The following TRABD2B variants were observed in gnomAD, a reference collection of about 807,000 sequenced individuals.
TRABD2B encodes the protein metalloprotease TIKI2.
A neutral mutation model predicts 40.1 loss-of-function variants in TRABD2B; 14 were observed. The observed-to-expected ratio is 0.35, with a 90% CI of 0.23 to 0.55. The LOEUF is 0.55. TRABD2B is among the 20% of genes least tolerant of loss of function. The pLI is 0.90. For synonymous variants in TRABD2B, 263 were observed against 277.0 expected, an observed-to-expected ratio of 0.95 and a Z score of 0.50; for missense variants, 541 against 648.6, an observed-to-expected ratio of 0.83 and a Z score of 1.80.
intron 2 of TRABD2B, among the ~76,000 whole-genome samples, chr1:47,966,140 CAG>C (rs1645599408): frequency 2.0e-5 from 3 of 152,294 alleles, no homozygotes; most frequent in Middle Eastern, 3.4e-3. Context: ...CAGGCATAGA[CAG>C]CAGGGAGGTG....
At chr1:47,840,575 G>T (rs77881918) in intron 2 of TRABD2B, among the ~76,000 whole-genome samples, 9 of 151,336 alleles carry the variant, frequency 5.9e-5, no homozygotes, top group Admixed American at 5.9e-4. Context: ...TTAATGACAG[G>T]CCTGTCTTCA....
chr1:47,921,444 A>C (rs575940455), intron 2 of TRABD2B, among the ~76,000 whole-genome samples: 2 of 152,306 alleles, frequency 1.3e-5, no homozygotes, highest in East Asian at 3.9e-4. Context: ...AAGGGTCTCC[A>C]GACTGTGACA....
At chr1:47,939,140 C>T (rs574479221) in intron 2 of TRABD2B, among the ~76,000 whole-genome samples, 7 of 151,988 alleles carry the variant, frequency 4.6e-5, no homozygotes, top group African/African-American at 1.7e-4. Context: ...CCAACCCCCC[C>T]ACCCCCAGGA....
intron 2 of TRABD2B, among the ~76,000 whole-genome samples, chr1:47,959,917 G>T (rs1438417685): frequency 6.6e-6 from 1 of 152,046 alleles, no homozygotes; most frequent in Non-Finnish European, 1.5e-5. Flanking sequence ...CAAAAAAAGA[G>T]AATTTTAGAC....
intron 2 of TRABD2B, among the ~76,000 whole-genome samples, chr1:47,817,387 G>A (rs1476399398): frequency 1.3e-5 from 2 of 152,010 alleles, no homozygotes; most frequent in African/African-American, 4.8e-5. Context: ...CGGGATTGGG[G>A]GCCCTGAAAC....
intron 2 of TRABD2B, among the ~76,000 whole-genome samples, chr1:47,848,114 A>G (rs1645497266): frequency 6.6e-6 from 1 of 152,236 alleles, no homozygotes; most frequent in Non-Finnish European, 1.5e-5. Context: ...CAAGGACCCC[A>G]GCCCCTAGAC....
chr1:47,975,015 A>C (rs1365799378), intron 2 of TRABD2B, among the ~76,000 whole-genome samples: 1 of 152,218 alleles, frequency 6.6e-6, no homozygotes, highest in Admixed American at 6.5e-5. Flanking sequence ...GAAAACAAGG[A>C]AAGTCTGAGA....
intron 2 of TRABD2B, among the ~76,000 whole-genome samples, chr1:47,822,029 GCACACACTCT>G: frequency 6.6e-6 from 1 of 152,196 alleles, no homozygotes; most frequent in Non-Finnish European, 1.5e-5. Context: ...ACACGTGCAT[GCACACACTCT>G]CAGTCATATT....
rs577945448 is a variant in TRABD2B at position 47,841,530 on chromosome 1, C to G, written c.667-39911G>C. On this transcript the variant is annotated intron_variant, in intron 2 of 6. Coordinates refer to ENST00000606738, the MANE Select transcript of TRABD2B (RefSeq NM_001194986.2). Reference sequence around the variant, plus strand: ...GAATGCTTACCACTTGCCAGGCTCTCTGGGAGGTGCAGGAAGAGGCATGGA... The same window carrying G: ...GAATGCTTACCACTTGCCAGGCTCTGTGGGAGGTGCAGGAAGAGGCATGGA... Among the ~76,000 whole-genome samples the G allele has an allele frequency of 2.6e-5, 4 of 152,324 alleles. No homozygotes were observed. In the South Asian group the frequency reaches 8.3e-4, roughly 32 times the overall value.
intron 2 of TRABD2B, among the ~76,000 whole-genome samples, chr1:47,829,909 T>C (rs1250045392): frequency 2.6e-5 from 4 of 152,190 alleles, no homozygotes; most frequent in Non-Finnish European, 5.9e-5. Context: ...ACTCACCCCA[T>C]GGTTTTACCT....
chr1:47,851,363 A>G (rs1645547156), intron 2 of TRABD2B, among the ~76,000 whole-genome samples: 1 of 152,200 alleles, frequency 6.6e-6, no homozygotes, highest in South Asian at 2.1e-4. Flanking sequence ...TTAAATATCA[A>G]GGCCTCTTGG....
At chr1:47,791,463 G>A (rs1429923504) in intron 4 of TRABD2B, among the ~76,000 whole-genome samples, 2 of 152,208 alleles carry the variant, frequency 1.3e-5, no homozygotes, top group Admixed American at 1.3e-4. Context: ...ATGGATAGCT[G>A]CATTCCTGGT....
intron 2 of TRABD2B, among the ~76,000 whole-genome samples, chr1:47,911,227 C>T (rs1251777165): frequency 6.6e-6 from 1 of 152,148 alleles, no homozygotes; most frequent in Admixed American, 6.5e-5. Flanking sequence ...CATAAAGGGA[C>T]ACCTCAGCAG....
At chr1:47,812,590 G>A (rs533794355) in intron 2 of TRABD2B, among the ~76,000 whole-genome samples, 9 of 152,226 alleles carry the variant, frequency 5.9e-5, no homozygotes, top group Admixed American at 4.6e-4. Flanking sequence ...ATGCTGTCAC[G>A]TGCCTGTAGT....
intron 2 of TRABD2B, among the ~76,000 whole-genome samples, chr1:47,947,443 C>CA (rs1203059984): frequency 6.6e-6 from 1 of 152,124 alleles, no homozygotes; most frequent in African/African-American, 2.4e-5. Context: ...GTCATTAACA[C>CA]ATACAATATA....
At chr1:47,924,029 G>T (rs1012736029) in intron 2 of TRABD2B, among the ~76,000 whole-genome samples, 2 of 151,260 alleles carry the variant, frequency 1.3e-5, no homozygotes, top group East Asian at 3.9e-4. Context: ...GAGATTTATG[G>T]TCTAGAATGT....
At chr1:47,965,291 T>C (rs1417515667) in intron 2 of TRABD2B, among the ~76,000 whole-genome samples, 2 of 146,860 alleles carry the variant, frequency 1.4e-5, no homozygotes, top group East Asian at 4.1e-4. Context: ...TTCTGCAAAA[T>C]TGGGGCTACA....
chr1:47,981,241 T>C (rs1208308810), intron 2 of TRABD2B, among the ~76,000 whole-genome samples: 1 of 152,142 alleles, frequency 6.6e-6, no homozygotes, highest in East Asian at 1.9e-4. Context: ...TTCGAACTCC[T>C]GGCTTCAAGT....
At chr1:47,796,065 T>C (rs1433250868) in intron 3 of TRABD2B, among the ~76,000 whole-genome samples, 2 of 152,212 alleles carry the variant, frequency 1.3e-5, no homozygotes, top group African/African-American at 4.8e-5. Context: ...CTTAAAGTTG[T>C]GCTGTCCCTT....
Sources: allele counts gnomAD v4.1 joint callset (sites outside exome capture counted in the v4.1 genomes callset), GRCh38; gene constraint gnomAD v4.1.1; transcripts MANE v1.5; gene names NCBI Gene and HGNC (gene_info 2026-07-23, HGNC 2026-07-21).